Variants in PTPRM observed in about 807,000 individuals in gnomAD.
The protein encoded by PTPRM is protein tyrosine phosphatase receptor type M, also known as receptor-type tyrosine-protein phosphatase mu.
A neutral mutation model predicts 186.7 loss-of-function variants in PTPRM; 47 were observed. The ratio of observed to expected loss-of-function variants is 0.25; its 90% CI spans 0.20 to 0.32. PTPRM has a LOEUF of 0.32. Among genes scored for constraint, PTPRM ranks in the 10% least tolerant of loss-of-function variants. The pLI is 1.00. For missense variants in PTPRM, 1,494 were observed against 1,865.0 expected (o/e 0.80, Z 3.66); for synonymous variants, 668 against 674.9 (o/e 0.99, Z 0.16).
intron 23 of PTPRM, among the ~76,000 whole-genome samples, chr18:8,352,659 T>G (rs1352838633): frequency 7.8e-6 from 1 of 128,636 alleles, no homozygotes; most frequent in African/African-American, 2.9e-5. Context: ...TTTGGTTTTT[T>G]TTGTTTGTTT....
At chr18:7,977,772 T>TGCACAAA (rs74665852) in intron 7 of PTPRM, among the ~76,000 whole-genome samples, 69,767 of 151,578 alleles carry the variant, frequency 0.46, 16,357 homozygotes, top group African/African-American at 0.55. Context: ...GCTTTGTGCA[T>TGCACAAA]GCTTTGCTTT....
At chr18:7,787,305 A>T (rs1447478147) in intron 2 of PTPRM, among the ~76,000 whole-genome samples, 1 of 152,176 alleles carries the variant, frequency 6.6e-6, no homozygotes, top group Non-Finnish European at 1.5e-5. Context: ...TTCTGGAAAA[A>T]ATGCTGGGAA....
intron 27 of PTPRM, 70 bp from the exon 28 acceptor site, chr18:8,379,097 G>A (rs3819095): frequency 2.2e-6 from 3 of 1,370,806 alleles, no homozygotes; most frequent in East Asian, 2.6e-5. Context: ...TGCATCTTTC[G>A]AAAACTGCAC....
chr18:7,683,426 G>A (rs892469595), intron 1 of PTPRM, among the ~76,000 whole-genome samples: 4 of 152,144 alleles, frequency 2.6e-5, no homozygotes, highest in Non-Finnish European at 5.9e-5. Flanking sequence ...TCCCACCTCA[G>A]CCTCCGAAAG....
chr18:7,977,935 A>T (rs145617373), intron 7 of PTPRM, among the ~76,000 whole-genome samples: 1 of 152,316 alleles, frequency 6.6e-6, no homozygotes, highest in Non-Finnish European at 1.5e-5. Flanking sequence ...GAAAGAAAAA[A>T]ACTGACTTCT....
intron 22 of PTPRM, among the ~76,000 whole-genome samples, chr18:8,328,791 T>C (rs2095394280): frequency 6.6e-6 from 1 of 152,172 alleles, no homozygotes; most frequent in Admixed American, 6.5e-5. Flanking sequence ...CAATTGCAAT[T>C]AGCAGCTTAT....
chr18:7,973,909 T>C (rs1323060079), intron 7 of PTPRM, among the ~76,000 whole-genome samples: 1 of 152,126 alleles, frequency 6.6e-6, no homozygotes, highest in Non-Finnish European at 1.5e-5. Context: ...ACATTTTTGT[T>C]GAATTTTTTT....
At chr18:7,709,857 A>G (rs2040174690) in intron 1 of PTPRM, among the ~76,000 whole-genome samples, 1 of 152,190 alleles carries the variant, frequency 6.6e-6, no homozygotes, top group South Asian at 2.1e-4. Context: ...ACCAGGAAGA[A>G]ATAGAAACTC....
At chr18:7,678,262 G>T (rs866714220) in intron 1 of PTPRM, among the ~76,000 whole-genome samples, 1 of 152,178 alleles carries the variant, frequency 6.6e-6, no homozygotes, top group Non-Finnish European at 1.5e-5. Flanking sequence ...TAGGGTGGCT[G>T]TATGTCTCCT....
At chr18:8,226,967 G>A (rs1201511314) in intron 14 of PTPRM, among the ~76,000 whole-genome samples, 1 of 152,160 alleles carries the variant, frequency 6.6e-6, no homozygotes, top group East Asian at 1.9e-4. Flanking sequence ...ATTCTGACCT[G>A]CTGTTTTGCC....
intron 19 of PTPRM, among the ~76,000 whole-genome samples, chr18:8,258,975 G>C (rs1018299563): frequency 6.6e-6 from 1 of 151,980 alleles, no homozygotes; most frequent in Non-Finnish European, 1.5e-5. Context: ...TTTTGAGACA[G>C]TGTCTTGCTC....
chr18:7,826,847 A>G (rs2045509909), intron 2 of PTPRM, among the ~76,000 whole-genome samples: 1 of 152,176 alleles, frequency 6.6e-6, no homozygotes, highest in Non-Finnish European at 1.5e-5. Context: ...TAATCCCAGC[A>G]CTTTGGGAGG....
chr18:7,852,568 G>T (rs1397230413), intron 2 of PTPRM, among the ~76,000 whole-genome samples: 1 of 152,022 alleles, frequency 6.6e-6, no homozygotes. Flanking sequence ...GGCGCCTGTA[G>T]TTCTAGCTGC....
At chr18:8,146,889 C>G (rs1304206701) in intron 14 of PTPRM, among the ~76,000 whole-genome samples, 2 of 152,092 alleles carry the variant, frequency 1.3e-5, no homozygotes, top group African/African-American at 4.8e-5. Context: ...ATTTCCAACA[C>G]CATTTATTAA....
At chr18:8,160,940 A>G (rs540714667) in intron 14 of PTPRM, among the ~76,000 whole-genome samples, 1 of 152,318 alleles carries the variant, frequency 6.6e-6, no homozygotes, top group Non-Finnish European at 1.5e-5. Context: ...AGCTATCAAA[A>G]TGTTCTTTGT....
At chr18:8,368,533 T>C (rs1425422391) in intron 23 of PTPRM, among the ~76,000 whole-genome samples, 1 of 152,190 alleles carries the variant, frequency 6.6e-6, no homozygotes, top group Non-Finnish European at 1.5e-5. Flanking sequence ...TGCTTTACAG[T>C]ATCTGCAACT....
chr18:7,944,320 T>C (rs1052842524), intron 5 of PTPRM, among the ~76,000 whole-genome samples: 8 of 152,296 alleles, frequency 5.3e-5, no homozygotes, highest in African/African-American at 1.9e-4. Context: ...TATCTTTAGG[T>C]TCCGTCCCTT....
chr18:7,760,383 A>AT (rs138882953), intron 1 of PTPRM, among the ~76,000 whole-genome samples: 7,773 of 152,106 alleles, frequency 0.051, 300 homozygotes, highest in Non-Finnish European at 0.081. Flanking sequence ...TTAAATATTA[A>AT]TTTTTTTTGT....
chr18:8,206,838 C>G (rs2093938102), intron 14 of PTPRM, among the ~76,000 whole-genome samples: 1 of 151,234 alleles, frequency 6.6e-6, no homozygotes, highest in Non-Finnish European at 1.5e-5. Context: ...GACTCTGCTT[C>G]AAAAAAAAGG....
Sources: allele counts gnomAD v4.1 joint callset (sites outside exome capture counted in the v4.1 genomes callset), GRCh38; gene constraint gnomAD v4.1.1; transcripts MANE v1.5; gene names NCBI Gene and HGNC (gene_info 2026-07-23, HGNC 2026-07-21).